PCNT: variants seen among roughly 807,000 people sequenced by gnomAD.
PCNT encodes the protein kendrin.
A neutral mutation model predicts 380.4 loss-of-function variants in PCNT; 319 were observed. That is an observed-to-expected ratio of 0.84 (90% CI 0.77 to 0.92). The LOEUF is 0.92. PCNT is among the 40% of genes least tolerant of loss of function. PCNT has a pLI of 0.00. For missense variants in PCNT, 4,400 were observed against 4,255.3 expected (o/e 1.03, Z -0.95); for synonymous variants, 1,845 against 1,735.2 (o/e 1.06, Z -1.57).
chr21:46,381,158 CAG>C (rs2085517859), intron 15 of PCNT, among the ~76,000 whole-genome samples: 1 of 119,436 alleles, frequency 8.4e-6, no homozygotes, highest in African/African-American at 3.2e-5. Flanking sequence ...GCCTGGGTGA[CAG>C]AGAAGAGTCC....
chr21:46,366,536 G>A lies in PCNT; in HGVS notation c.2610-48G>A. 6.6e-6 allele frequency: 10 copies of A among 1,521,474 alleles called. 1 individual carries two copies. Among genetic ancestry groups the A allele is most frequent in the African/African-American group, 2.7e-5 (2 of 73,268 alleles). The allele number at this position is 1,521,474 out of a possible 1,614,324, so 94.2% of individuals were successfully genotyped here. A position where few individuals can be genotyped will look rare whatever the true frequency, so the allele number is the denominator to read the frequency against. The stretch of plus-strand genomic sequence containing the variant: ...TGACTTGGCTTTTGCAAGGGTCATT[G>A]CTTCCTGATGCATGTTTAACTGTCC... On this transcript the variant is annotated intron_variant, in intron 14 of 46. Transcript: ENST00000359568.
At chr21:46,400,137 C>A (rs74633624) in intron 25 of PCNT, among the ~76,000 whole-genome samples, 1 of 152,078 alleles carries the variant, frequency 6.6e-6, no homozygotes, top group Non-Finnish European at 1.5e-5. Flanking sequence ...TTGATGAGAG[C>A]CCCTTGTAAT....
intron 8 of PCNT, among the ~76,000 whole-genome samples, chr21:46,351,092 A>G (rs2084249700): frequency 6.6e-6 from 1 of 152,210 alleles, no homozygotes; most frequent in Non-Finnish European, 1.5e-5. Flanking sequence ...GTCTGTATGT[A>G]TGACCCTAAA....
At chr21:46,437,816 A>T (rs1477984283) in intron 40 of PCNT, among the ~76,000 whole-genome samples, 1 of 152,224 alleles carries the variant, frequency 6.6e-6, no homozygotes, top group Non-Finnish European at 1.5e-5. Context: ...CACCCTCCAC[A>T]GGCTGAACGT....
At position 46,359,480 on chromosome 21, in the gene PCNT, G is replaced by GTTTTTTTTTTTTTTTTTTTTTTTTTTTA; in HGVS notation, c.2154+2299_2154+2300insTTTTTTTTTTTTTTTTTATTTTTTTTTT. 3.0e-5 allele frequency among the ~76,000 whole-genome samples: 2 copies of GTTTTTTTTTTTTTTTTTTTTTTTTTTTA among 65,732 alleles called. 1 individual carries two copies. Among genetic ancestry groups the GTTTTTTTTTTTTTTTTTTTTTTTTTTTA allele is most frequent in the Non-Finnish European group, 6.8e-5 (2 of 29,608 alleles). 43.1% of individuals were successfully genotyped at this position (65,732 alleles called of 152,430 possible). A position where few individuals can be genotyped will look rare whatever the true frequency, so the allele number is the denominator to read the frequency against. ...TAGTATTCTGTCCAAAAATACACCTGTTTTTTTTTTGTTTTTTTTTTTTTT... is the reference window on the plus strand; with the variant it reads ...TAGTATTCTGTCCAAAAATACACCTGTTTTTTTTTTTTTTTTTTTTTTTTTTTATTTTTTTTTTGTTTTTTTTTTTTTT... On this transcript the variant is annotated intron_variant, in intron 13 of 46. Transcript: ENST00000359568.
At chr21:46,405,435 C>T (rs1268809057) in intron 27 of PCNT, among the ~76,000 whole-genome samples, 2 of 152,192 alleles carry the variant, frequency 1.3e-5, no homozygotes, top group Non-Finnish European at 1.5e-5. Context: ...CGGTGGCTCA[C>T]GCCTGTAATC....
At position 46,391,284 on chromosome 21, in the gene PCNT, C is replaced by A; in HGVS notation, c.4124C>A (p.Ala1375Glu). 6.3e-7 allele frequency: 1 copy of A among 1,586,816 alleles called. No homozygotes were observed. The highest frequency in any genetic ancestry group is 8.6e-7 in the Non-Finnish European group (1 of 1,166,900). Residue 1375 changes from alanine to glutamate, a missense_variant, in exon 21 of 47, where the codon GCG becomes GAG. Ala to Glu is a moderately radical substitution (Grantham distance 107). Transcript: ENST00000359568. ...LESLRRQLQQ[A>E]AQEQAALREE... ...AGCCTGAGACGGCAGCTGCAGCAGG[C>A]GGCCCAGGAGCAGGCGGCGCTGAGG... is the stretch of plus-strand genomic sequence containing the variant.
Position 46,388,657 on chromosome 21 carries a change from T to C in PCNT, c.3465-85T>C. 1.3e-6 allele frequency: 2 copies of C among 1,559,196 alleles called. No homozygotes were observed. The highest frequency in any genetic ancestry group is 2.2e-5 in the South Asian group (2 of 89,698). On this transcript the variant is annotated intron_variant, in intron 17 of 46. Transcript: ENST00000359568. This position sits in a 1 kb window ranked among gnomAD's most constrained non-coding sequence, Gnocchi z 4.2. ...CAGCCGTGGGCCGAGGTGTGCAAAC[T>C]GGTGGGCGGCCCCTCAGCAGCATCC...
rs1555950709 is a variant in PCNT at position 46,346,172 on chromosome 21, C to T, written c.684C>T (p.Ser228=). 28 of 1,609,948 alleles carry T rather than the reference C, an allele frequency of 1.7e-5. No homozygotes were observed. In the South Asian group the frequency reaches 1.8e-4, roughly 10 times the overall value. The change falls in exon 4 of 47, where the codon AGC becomes AGT. Residue 228 remains serine, a synonymous_variant. Coordinates refer to ENST00000359568, the MANE Select transcript of PCNT (RefSeq NM_006031.6). ...ECELAITDLE[S]GREDEAGLHQ... is the part of the protein sequence containing the mutation. ...AACTTGCCATTACTGACCTGGAGAG[C>T]GGCCGTGAAGATGAGGCTGGCCTGC... is the stretch of plus-strand genomic sequence containing the variant.
chr21:46,437,080 A>G lies in PCNT; in HGVS notation c.9098A>G (p.Gln3033Arg), dbSNP rs1569307388. The stretch of plus-strand genomic sequence containing the variant: ...GACTTGAGCAGGCCCACCTCCTCCC[A>G]GGTAAGGGGTGAGCGCCCCCAGGTC... The part of the protein sequence containing the change: ...KSDLSRPTSS[Q>R]KKMAAELQFQ... Residue 3033 changes from glutamine (Q) to arginine (R), a missense_variant and splice_region_variant, in exon 40 of 47, where the codon CAG becomes CGG. Transcript: ENST00000359568. 5 of 1,611,810 alleles carry G rather than the reference A, an allele frequency of 3.1e-6. No individual in the cohort carries two copies. The highest frequency in any genetic ancestry group is 4.2e-6 in the Non-Finnish European group (5 of 1,178,178).
intron 13 of PCNT, among the ~76,000 whole-genome samples, chr21:46,359,029 C>T (rs913765544): frequency 3.3e-5 from 5 of 151,760 alleles, no homozygotes; most frequent in East Asian, 1.9e-4. Context: ...AGGATGGTCT[C>T]GATCTCCTGA....
At chr21:46,378,973 G>A (rs2085419907) in intron 15 of PCNT, among the ~76,000 whole-genome samples, 2 of 152,124 alleles carry the variant, frequency 1.3e-5, no homozygotes, top group Admixed American at 1.3e-4. Flanking sequence ...TGTTTTCTCT[G>A]TGTCGTTACC....
Position 46,346,132 on chromosome 21 carries a change from G to A in PCNT, c.644G>A (p.Cys215Tyr), listed in dbSNP as rs138962786. 437 of 1,614,016 alleles carry A rather than the reference G, an allele frequency of 2.7e-4. 1 individual carries two copies. The highest frequency in any genetic ancestry group is 4.3e-4 in the Admixed American group (26 of 60,010). Residue 215 changes from cysteine to tyrosine, a missense_variant, in exon 4 of 47, where the codon TGT (cysteine) becomes TAT (tyrosine). Transcript: ENST00000359568. Reference sequence around the variant, plus strand: ...TTCTTTGCCTTTTTTCCCCAGGAGTGTGAACAAGAATGTGAACTTGCCATT... The same window carrying A: ...TTCTTTGCCTTTTTTCCCCAGGAGTATGAACAAGAATGTGAACTTGCCATT... ...AEQRGMFTKE[C>Y]EQECELAITD... is the part of the protein sequence containing the mutation.
chr21:46,396,200 A>G (rs993128281), intron 21 of PCNT, among the ~76,000 whole-genome samples: 5 of 152,362 alleles, frequency 3.3e-5, no homozygotes, highest in African/African-American at 9.6e-5. Flanking sequence ...TCGCCACCCC[A>G]GGTCTCAGGC....
rs1006588283 is a variant in PCNT, at chr21:46,333,025, A to T, written c.268-1372A>T. ...CTACTCAGGTGGCTGAGGCAGGAGG[A>T]TCACTTGAGCCCAGGAGGTTAAGGT... On this transcript the variant is annotated intron_variant, in intron 2 of 46. Transcript: ENST00000359568. Among the ~76,000 whole-genome samples, 8 of 152,324 alleles carry T rather than the reference A, an allele frequency of 5.3e-5. 1 individual carries two copies. Among genetic ancestry groups the T allele is most frequent in the African/African-American group, 1.9e-4 (8 of 41,570 alleles).
At chr21:46,371,963 A>G (rs865953956) in intron 15 of PCNT, among the ~76,000 whole-genome samples, 10 of 150,904 alleles carry the variant, frequency 6.6e-5, no homozygotes, top group Admixed American at 2.0e-4. Context: ...CAAACAGCAC[A>G]TACATAGCAC....
At chr21:46,413,252 G>A (rs56679410) in intron 29 of PCNT, among the ~76,000 whole-genome samples, 14 of 124,898 alleles carry the variant, frequency 1.1e-4, no homozygotes, top group South Asian at 4.9e-4. Context: ...GGGGGAAGGC[G>A]TGAGGCCCCC....
intron 15 of PCNT, among the ~76,000 whole-genome samples, chr21:46,368,217 G>A (rs1214671155): frequency 3.3e-5 from 5 of 151,904 alleles, no homozygotes; most frequent in African/African-American, 4.8e-5. Context: ...AGGCCAAGGC[G>A]GGCAGATCAC....
In PCNT at chr21:46,358,101, C is replaced by G. The variant is rs1045679665; in HGVS notation, c.2154+910C>G. On this transcript the variant is annotated intron_variant, in intron 13 of 46. Coordinates refer to ENST00000359568, the MANE Select transcript of PCNT (RefSeq NM_006031.6). ...GCTCAGGGTCCGTCCCATGCCGGAG[C>G]AGTGGAGTTAAAGTGAACCAACAGG... 5.9e-5 allele frequency among the ~76,000 whole-genome samples: 9 copies of G among 152,158 alleles called. No homozygotes were observed. The East Asian group carries it at 1.7e-3, about 29-fold the overall frequency.
Sources: allele counts gnomAD v4.1 joint callset (sites outside exome capture counted in the v4.1 genomes callset), GRCh38; gene constraint gnomAD v4.1.1; non-coding constraint Gnocchi (gnomAD v3.1); transcripts MANE v1.5; gene names NCBI Gene and HGNC (gene_info 2026-07-23, HGNC 2026-07-21).